The following YBX2 variants were observed in gnomAD, a reference collection of about 807,000 sequenced individuals.
YBX2 encodes Y-box binding protein 2, also known as Y-box-binding protein 2.
YBX2 carries 5 observed loss-of-function variants against 44.4 expected under a neutral mutation model. That is an observed-to-expected ratio of 0.11 (90% CI 0.06 to 0.24). YBX2 has a LOEUF of 0.24. Ranked by LOEUF, YBX2 falls within the 10% of genes least tolerant of loss-of-function variation. The pLI, the probability that YBX2 is intolerant of heterozygous loss-of-function variation, is 1.00. For missense variants in YBX2, 417 were observed against 526.9 expected (o/e 0.79, Z 2.04); for synonymous variants, 188 against 216.1 (o/e 0.87, Z 1.14).
chr17:7,294,300 G>A lies in YBX2; in HGVS notation c.201C>T (p.Gly67=), dbSNP rs1424257166. The change falls in exon 1 of 9, where the codon GGC becomes GGT. Residue 67 remains glycine, a synonymous_variant. Coordinates refer to ENST00000007699, the MANE Select transcript of YBX2 (RefSeq NM_015982.4). This position sits in a 1 kb window ranked among gnomAD's most constrained non-coding sequence, Gnocchi z 4.6. ...TTCCCGAGACCGCCGTCGCCGGATT[G>A]CCAGGGGTGCGGGAGCCCGGCGCCG... ...TPSAPGSRTP[G]NPATAVSGTP... is the part of the protein sequence containing the mutation. 1 of 1,278,044 alleles carries A rather than the reference G, an allele frequency of 7.8e-7. No individual in the cohort carries two copies. The highest frequency in any genetic ancestry group is 9.8e-7 in the Non-Finnish European group (1 of 1,018,494). The allele number at this position is 1,278,044 out of a possible 1,614,324, so 79.2% of individuals were successfully genotyped here.
chr17:7,293,358 A>G (rs1036065137), intron 2 of YBX2, 117 bp downstream of exon 2: 8 of 1,551,260 alleles, frequency 5.2e-6, no homozygotes, highest in Non-Finnish European at 7.0e-6. Context: ...AACCAGCATC[A>G]GCTGGACATT....
Position 7,291,288 on chromosome 17 carries a change from G to A in YBX2, c.370-106C>T, listed in dbSNP as rs1345737638. 3.5e-6 allele frequency: 4 copies of A among 1,149,060 alleles called. No homozygotes were observed. The highest frequency in any genetic ancestry group is 5.2e-6 in the Non-Finnish European group (4 of 775,452). 71.2% of individuals were successfully genotyped at this position (1,149,060 alleles called of 1,614,324 possible). ...TTCATTCTTTCAACATTTGACTTGG[G>A]GTCTAGAGCTGGAGGGTGGAGCAAG... is the stretch of plus-strand genomic sequence containing the variant. On this transcript the variant is annotated intron_variant, in intron 3 of 8. Coordinates refer to ENST00000007699, the MANE Select transcript of YBX2 (RefSeq NM_015982.4). This position sits in a 1 kb window ranked among gnomAD's most constrained non-coding sequence, Gnocchi z 5.8.
rs2072498574 is a variant in YBX2, at chr17:7,291,076, C to T, written c.459+17G>A. On this transcript the variant is annotated intron_variant, in intron 4 of 8. Transcript: ENST00000007699. This position sits in a 1 kb window ranked among gnomAD's most constrained non-coding sequence, Gnocchi z 5.8. ...CGTAAGCCTAGTCAACTCTATACCC[C>T]ATAGCAGTCCCCAAACCTTCTCTCC... 1 of 1,611,748 alleles carries T rather than the reference C, an allele frequency of 6.2e-7. No homozygotes were observed. Among genetic ancestry groups the T allele is most frequent in the Non-Finnish European group, 8.5e-7 (1 of 1,179,570 alleles).
At position 7,294,398 on chromosome 17, in the gene YBX2, C is replaced by T; in HGVS notation, c.103G>A (p.Gly35Arg). 1.4e-6 allele frequency: 2 copies of T among 1,450,394 alleles called. No individual in the cohort carries two copies. Among genetic ancestry groups the T allele is most frequent in the South Asian group, 2.6e-5 (2 of 76,636 alleles). The allele number at this position is 1,450,394 out of a possible 1,614,324, so 89.8% of individuals were successfully genotyped here. A position where few individuals can be genotyped will look rare whatever the true frequency, so the allele number is the denominator to read the frequency against. Residue 35 changes from glycine to arginine, a missense_variant, in exon 1 of 9, where the codon GGG becomes AGG. By Grantham distance (125) the Gly-to-Arg change is moderately radical. This residue lies in a region of YBX2 where 121 missense variants were observed against 141.3 expected (regional missense o/e 0.86). Transcript: ENST00000007699. The surrounding 1 kb of genome is among the most constrained non-coding windows in gnomAD (Gnocchi z 4.6). ...GCCCCGCCGCCTTTCTGCGGCTCCCCTGCGGGCACCGGTACCACCACCGCT... is the reference window on the plus strand; with the variant it reads ...GCCCCGCCGCCTTTCTGCGGCTCCCTTGCGGGCACCGGTACCACCACCGCT... Reference protein sequence around the residue: ...VVAVVVPVPAGEPQKGGGAGG... With the variant: ...VVAVVVPVPAREPQKGGGAGG...
intron 1 of YBX2, chr17:7,293,921 G>A (rs749064339): frequency 3.9e-6 from 2 of 518,992 alleles, no homozygotes; most frequent in East Asian, 3.3e-5. Context: ...GCCAGGCTCA[G>A]AGGTTTGCCT....
At chr17:7,289,018 C>G (rs556403868) in intron 7 of YBX2, among the ~76,000 whole-genome samples, 180 bp from the exon 8 acceptor site, 1 of 152,166 alleles carries the variant, frequency 6.6e-6, no homozygotes, top group South Asian at 2.1e-4. Context: ...TGTGCTACCA[C>G]GCCTGGCTAA....
chr17:7,292,415 C>G, intron 2 of YBX2: 1 of 307,310 alleles, frequency 3.3e-6, no homozygotes, highest in Non-Finnish European at 6.3e-6. Flanking sequence ...TGTCCCTGGC[C>G]AACACCCCCT....
rs1157219651 is a variant in YBX2, at chr17:7,291,468, T to A, written c.370-286A>T. 2.7e-5 allele frequency: 13 copies of A among 482,510 alleles called. 1 individual carries two copies. In the East Asian group the frequency reaches 4.9e-4, roughly 18 times the overall value. 29.9% of individuals were successfully genotyped at this position (482,510 alleles called of 1,614,324 possible). The stretch of plus-strand genomic sequence containing the variant: ...AGAAAGGGAGGCAAGAAATATGAAC[T>A]CCAAAGCAAAAGGCAGGGACAGCCT... On this transcript the variant is annotated intron_variant, in intron 3 of 8. Transcript: ENST00000007699. This position sits in a 1 kb window ranked among gnomAD's most constrained non-coding sequence, Gnocchi z 5.8.
chr17:7,291,933 A>C lies in YBX2; in HGVS notation c.369+93T>G. 6 of 1,517,242 alleles carry C rather than the reference A, an allele frequency of 4.0e-6. No homozygotes were observed. The highest frequency in any genetic ancestry group is 5.5e-6 in the Non-Finnish European group (6 of 1,092,770). The allele number at this position is 1,517,242 out of a possible 1,614,324, so 94.0% of individuals were successfully genotyped here. A position where few individuals can be genotyped will look rare whatever the true frequency, so the allele number is the denominator to read the frequency against. On this transcript the variant is annotated intron_variant, in intron 3 of 8. Coordinates refer to ENST00000007699, the MANE Select transcript of YBX2 (RefSeq NM_015982.4). This position sits in a 1 kb window ranked among gnomAD's most constrained non-coding sequence, Gnocchi z 5.8. The stretch of plus-strand genomic sequence containing the variant: ...GGATGGGCCGTTGTGAAGAAGAGCC[A>C]GAGAAACATGGCGGAGCGCACTGCT...
Position 7,288,759 on chromosome 17 carries a change from C to A in YBX2, c.*29G>T. On this transcript the variant is annotated 3_prime_UTR_variant, in exon 8 of 9. Transcript: ENST00000007699. ...GCACCAGCCACTCACCAGATGGCAG[C>A]TCTGGGTGTCCTCTGAGTTGAGTTG... 1 of 1,613,742 alleles carries A rather than the reference C, an allele frequency of 6.2e-7. No homozygotes were observed. Among genetic ancestry groups the A allele is most frequent in the Non-Finnish European group, 8.5e-7 (1 of 1,179,704 alleles).
In YBX2 at chr17:7,294,439, G is replaced by A. The variant is rs1375070386; in HGVS notation, c.62C>T (p.Thr21Met). 2 of 1,474,322 alleles carry A rather than the reference G, an allele frequency of 1.4e-6. No individual in the cohort carries two copies. The highest frequency in any genetic ancestry group is 2.2e-5 in the Admixed American group (1 of 45,606). 91.3% of individuals were successfully genotyped at this position (1,474,322 alleles called of 1,614,324 possible). A position where few individuals can be genotyped will look rare whatever the true frequency, so the allele number is the denominator to read the frequency against. The change falls in exon 1 of 9, where the codon ACG becomes ATG. Residue 21 changes from threonine to methionine, a missense_variant. Physicochemically the swap from Thr to Met is moderately conservative, Grantham distance 81. Transcript: ENST00000007699. This position sits in a 1 kb window ranked among gnomAD's most constrained non-coding sequence, Gnocchi z 4.6. ...CACCACCGCTACCACCCCTGCCGCC[G>A]TCGCGGGCACCGTCGCCGCGGGGAC... ...TAVPAATVPA[T>M]AAGVVAVVVP...
At chr17:7,290,666 C>T in intron 4 of YBX2, 131 bp from the exon 5 acceptor site, 1 of 1,120,788 alleles carries the variant, frequency 8.9e-7, no homozygotes, top group Non-Finnish European at 1.2e-6. Context: ...TCTTTCTACC[C>T]TCCCTGGAGA....
chr17:7,289,659 G>A lies in YBX2; in HGVS notation c.915C>T (p.Ser305=). 6.2e-7 allele frequency: 1 copy of A among 1,614,100 alleles called. No individual in the cohort carries two copies. Among genetic ancestry groups the A allele is most frequent in the Non-Finnish European group, 8.5e-7 (1 of 1,180,006 alleles). The change falls in exon 7 of 9, where the codon AGC becomes AGT. Residue 305 remains serine, a synonymous_variant. Transcript: ENST00000007699. ...TEGGDGETKP[S]QGPADGSRPE... ...GCCGGGAACCATCAGCGGGACCTTGGCTGGGCTTGGTCTCACCATCCCCAC... is the reference window on the plus strand; with the variant it reads ...GCCGGGAACCATCAGCGGGACCTTGACTGGGCTTGGTCTCACCATCCCCAC...
chr17:7,293,195 T>C (rs1390731243), intron 2 of YBX2: 1 of 532,014 alleles, frequency 1.9e-6, no homozygotes, highest in Non-Finnish European at 3.4e-6. Flanking sequence ...GTAAAAGTAA[T>C]GAAGCAATTC....
At chr17:7,293,394 G>A (rs2072515778) in intron 2 of YBX2, 81 bp downstream of exon 2, 1 of 1,603,298 alleles carries the variant, frequency 6.2e-7, no homozygotes, top group African/African-American at 1.3e-5. Flanking sequence ...CGCAGGGGTC[G>A]ATGAGGTTGG....
rs1349169063 is a variant in YBX2, at chr17:7,289,569, G to GGGGCCAGGGGCCTGCTGC, written c.987_1004dup (p.Gln336_Pro341dup). On this transcript the variant is annotated inframe_insertion, in exon 7 of 9. Transcript: ENST00000007699. ...GCTGCCGGGGGCCAGGGGCCTGCTG[G>GGGGCCAGGGGCCTGCTGC]GGGCCAGGGGCCTGCTGCCGTCTCC... 3.1e-6 allele frequency: 5 copies of GGGGCCAGGGGCCTGCTGC among 1,609,756 alleles called. No individual in the cohort carries two copies. Among genetic ancestry groups the GGGGCCAGGGGCCTGCTGC allele is most frequent in the East Asian group, 4.5e-5 (2 of 44,840 alleles).
At chr17:7,293,631 A>G in intron 1 of YBX2, 93 bp from the exon 2 acceptor site, 1 of 1,594,598 alleles carries the variant, frequency 6.3e-7, no homozygotes. Context: ...AAAAAAATCT[A>G]GCCTACTGCC....
At chr17:7,290,128 G>C in intron 5 of YBX2, 57 bp from the exon 6 acceptor site, 1 of 1,610,902 alleles carries the variant, frequency 6.2e-7, no homozygotes, top group Non-Finnish European at 8.5e-7. Flanking sequence ...TCTGGAGCCA[G>C]ATTATCCACA....
intron 2 of YBX2, chr17:7,292,491 G>C (rs571896042): frequency 4.3e-6 from 1 of 234,658 alleles, no homozygotes; most frequent in African/African-American, 2.2e-5. Flanking sequence ...GAGGCAGAAA[G>C]TGCAGATGGG....
Sources: allele counts gnomAD v4.1 joint callset (sites outside exome capture counted in the v4.1 genomes callset), GRCh38; gene constraint gnomAD v4.1.1; regional missense constraint gnomAD v4.1.1; non-coding constraint Gnocchi (gnomAD v3.1); transcripts MANE v1.5; gene names NCBI Gene and HGNC (gene_info 2026-07-23, HGNC 2026-07-21).